The following TSPEAR variants were observed in gnomAD, a reference collection of about 807,000 sequenced individuals.
TSPEAR encodes the protein thrombospondin type laminin G domain and EAR repeats.
A neutral mutation model predicts 71.6 loss-of-function variants in TSPEAR; 69 were observed. The observed-to-expected ratio is 0.96, with a 90% CI of 0.79 to 1.18. TSPEAR has a LOEUF of 1.18. Ranked by LOEUF, TSPEAR falls within the 50% of genes most tolerant of loss-of-function variation. The pLI, the probability that TSPEAR is intolerant of heterozygous loss-of-function variation, is 0.00. For missense variants in TSPEAR, 971 were observed against 894.9 expected, an observed-to-expected ratio of 1.09 and a Z score of -1.09; for synonymous variants, 402 against 387.2, an observed-to-expected ratio of 1.04 and a Z score of -0.45.
At chr21:44,708,187 G>T (rs1601589045) in intron 1 of TSPEAR, among the ~76,000 whole-genome samples, 4 of 152,240 alleles carry the variant, frequency 2.6e-5, no homozygotes, top group African/African-American at 9.6e-5. Context: ...CCCTCCCCCA[G>T]CCCCCAGCAG....
At chr21:44,567,667 A>C in intron 2 of TSPEAR, 118 bp downstream of exon 2, 1 of 838,070 alleles carries the variant, frequency 1.2e-6, no homozygotes, top group Non-Finnish European at 1.7e-6. Flanking sequence ...TTGATCCCAG[A>C]GAAACCCAGA....
chr21:44,580,521 C>T (rs2020221), intron 1 of TSPEAR: 455,252 of 1,613,364 alleles, frequency 0.28, 67,958 homozygotes, highest in Admixed American at 0.47. Context: ...GGGCAGTCGT[C>T]CACTCGCCAG....
chr21:44,513,076 T>C (rs1172916276), intron 9 of TSPEAR, among the ~76,000 whole-genome samples: 1 of 152,248 alleles, frequency 6.6e-6, no homozygotes, highest in African/African-American at 2.4e-5. Flanking sequence ...TGAAACATAC[T>C]TTGGCAAAAA....
rs1555934756 is a variant in TSPEAR at position 44,627,629 on chromosome 21, C to G, written c.83-59624G>C. 1.2e-6 allele frequency: 2 copies of G among 1,612,430 alleles called. No homozygotes were observed. Among genetic ancestry groups the G allele is most frequent in the Admixed American group, 3.3e-5 (2 of 59,802 alleles). On this transcript the variant is annotated intron_variant, in intron 1 of 11. Coordinates refer to ENST00000323084, the MANE Select transcript of TSPEAR (RefSeq NM_144991.3). ...TGCTGCAAACCTGTGTGCTGTGCGC[C>G]CACCTGCTCTGAGGATTCCTATTCA...
intron 1 of TSPEAR, chr21:44,654,192 G>A (rs1304008706): frequency 3.6e-6 from 4 of 1,104,836 alleles, no homozygotes; most frequent in Middle Eastern, 5.6e-4. Context: ...TGCTGTGGGA[G>A]GATGTGGGGA....
intron 9 of TSPEAR, chr21:44,517,945 C>G (rs2052632082): frequency 9.2e-6 from 4 of 433,456 alleles, no homozygotes; most frequent in Non-Finnish European, 1.4e-5. Flanking sequence ...TGTCCTCACC[C>G]TCTTCTTTTT....
chr21:44,552,680 C>T (rs1434008505), intron 2 of TSPEAR, among the ~76,000 whole-genome samples: 1 of 152,236 alleles, frequency 6.6e-6, no homozygotes, highest in East Asian at 1.9e-4. Context: ...ATCTGAGTCA[C>T]TGCCATTGTG....
intron 1 of TSPEAR, among the ~76,000 whole-genome samples, chr21:44,575,596 G>A (rs1555923870): frequency 1.3e-5 from 2 of 152,188 alleles, no homozygotes; most frequent in African/African-American, 2.4e-5. Flanking sequence ...GTTGTTAGTC[G>A]TGTCATAGTT....
At chr21:44,550,511 TCGC>T in intron 2 of TSPEAR, 1 of 949,408 alleles carries the variant, frequency 1.1e-6, no homozygotes, top group African/African-American at 1.7e-5. Context: ...AAGCCAGGGC[TCGC>T]CCGCCCGGCG....
intron 9 of TSPEAR, chr21:44,515,729 C>T (rs1347855824): frequency 1.3e-5 from 2 of 152,266 alleles, no homozygotes; most frequent in Non-Finnish European, 2.9e-5. Flanking sequence ...CACCACATCA[C>T]CCGTGACAGA....
At chr21:44,640,127 G>T (rs1361846210) in intron 1 of TSPEAR, among the ~76,000 whole-genome samples, 8 of 152,182 alleles carry the variant, frequency 5.3e-5, no homozygotes, top group African/African-American at 1.9e-4. Context: ...GAAGTGGAAA[G>T]AGCCCAAATG....
chr21:44,628,143 A>G (rs57944973), intron 1 of TSPEAR: 701,998 of 1,459,636 alleles, frequency 0.48, 169,022 homozygotes, highest in Middle Eastern at 0.58. Context: ...ACAGCTCAAC[A>G]CAGAAGGAGC....
chr21:44,655,052 A>G (rs1411893517), intron 1 of TSPEAR, among the ~76,000 whole-genome samples: 1 of 152,204 alleles, frequency 6.6e-6, no homozygotes, highest in African/African-American at 2.4e-5. Context: ...ACGAGAGCCA[A>G]ACTACTGGGC....
chr21:44,666,642 G>T, intron 1 of TSPEAR: 1 of 1,613,594 alleles, frequency 6.2e-7, no homozygotes. Context: ...ACACACAGAA[G>T]ACTGGCAGCT....
intron 1 of TSPEAR, among the ~76,000 whole-genome samples, chr21:44,691,618 C>T (rs139192985): frequency 6.6e-6 from 1 of 152,266 alleles, no homozygotes; most frequent in East Asian, 1.9e-4. Context: ...AATAGTTCTA[C>T]AATAGTTGGA....
intron 1 of TSPEAR, among the ~76,000 whole-genome samples, chr21:44,681,039 A>G (rs2146296207): frequency 6.6e-6 from 1 of 152,370 alleles, no homozygotes; most frequent in Non-Finnish European, 1.5e-5. Context: ...GAAATGATAG[A>G]CAAGGTGATG....
At chr21:44,681,934 C>G in intron 1 of TSPEAR, 2 of 1,614,122 alleles carry the variant, frequency 1.2e-6, no homozygotes, top group Non-Finnish European at 1.7e-6. Context: ...GCCGCATACA[C>G]GACGGGCCTG....
At chr21:44,610,420 C>T (rs1434633066) in intron 1 of TSPEAR, among the ~76,000 whole-genome samples, 1 of 152,222 alleles carries the variant, frequency 6.6e-6, no homozygotes, top group African/African-American at 2.4e-5. Context: ...AGCCCCAAGC[C>T]TTGGCAGCTT....
intron 1 of TSPEAR, chr21:44,646,554 C>G: frequency 6.2e-7 from 1 of 1,612,500 alleles, no homozygotes; most frequent in South Asian, 1.1e-5. Flanking sequence ...CCCCCTGCAG[C>G]GCCCCCAGCT....
Sources: allele counts gnomAD v4.1 joint callset (sites outside exome capture counted in the v4.1 genomes callset), GRCh38; gene constraint gnomAD v4.1.1; transcripts MANE v1.5; gene names NCBI Gene and HGNC (gene_info 2026-07-23, HGNC 2026-07-21).